SORCS1: variants seen among roughly 807,000 people sequenced by gnomAD.
SORCS1 encodes the protein VPS10 domain-containing receptor SorCS1.
In SORCS1, 60 loss-of-function variants were observed where a neutral mutation model predicts 146.1. That is an observed-to-expected ratio of 0.41 (90% confidence interval 0.33 to 0.51). The LOEUF is 0.51. Among genes scored for constraint, SORCS1 ranks in the 20% least tolerant of loss-of-function variants. The pLI is 0.21. For missense variants in SORCS1, 1,352 were observed against 1,487.6 expected (o/e 0.91, Z 1.50); for synonymous variants, 637 against 584.0 (o/e 1.09, Z -1.31).
chr10:106,577,643 C>T (rs891945723), intron 25 of SORCS1, 88 bp from the exon 26 acceptor site: 7 of 1,566,842 alleles, frequency 4.5e-6, no homozygotes, highest in Non-Finnish European at 5.2e-6. Flanking sequence ...CGATATCTTC[C>T]TGGAGAAGGA....
At chr10:106,790,986 C>T (rs1181994611) in intron 3 of SORCS1, among the ~76,000 whole-genome samples, 1 of 152,198 alleles carries the variant, frequency 6.6e-6, no homozygotes, top group Non-Finnish European at 1.5e-5. Context: ...TTAAGCATCA[C>T]TATGCAGAGA....
At chr10:106,936,076 C>A (rs928577186) in intron 2 of SORCS1, among the ~76,000 whole-genome samples, 1 of 152,136 alleles carries the variant, frequency 6.6e-6, no homozygotes, top group African/African-American at 2.4e-5. Context: ...GTGATCTTTG[C>A]AGTATGGTGC....
intron 1 of SORCS1, among the ~76,000 whole-genome samples, chr10:106,983,563 G>A (rs1365968166): frequency 6.6e-6 from 1 of 152,090 alleles, no homozygotes; most frequent in African/African-American, 2.4e-5. Context: ...TAAGTAAGAA[G>A]TGCTTCCTAT....
rs751090186 is a variant in SORCS1 at position 106,577,475 on chromosome 10, G to C, written c.3452C>G (p.Ala1151Gly). 8.1e-6 allele frequency: 13 copies of C among 1,614,004 alleles called. No individual in the cohort carries two copies. Among genetic ancestry groups the C allele is most frequent in the Non-Finnish European group, 1.1e-5 (13 of 1,179,940 alleles). ...CCGCTTTGGCGTTGAAGGCGGAGTG[G>C]CGTGTCTTGCTCTTTGCAATCGGAG... Reference protein sequence around the residue: ...SSLRLQRARHATPPSTPKRGS... With the variant: ...SSLRLQRARHGTPPSTPKRGS... Residue 1151 changes from alanine to glycine, a missense_variant, in exon 26 of 26, where the codon GCC becomes GGC. This residue lies in a region of SORCS1 where 214 missense variants were observed against 204.8 expected (regional missense o/e 1.05). Transcript: ENST00000263054.
intron 14 of SORCS1, among the ~76,000 whole-genome samples, chr10:106,673,419 C>T (rs1426644261): frequency 3.9e-5 from 6 of 152,076 alleles, no homozygotes; most frequent in South Asian, 4.1e-4. Flanking sequence ...TGTGAGCCAC[C>T]GCACTTGGCC....
intron 1 of SORCS1, among the ~76,000 whole-genome samples, chr10:107,056,688 A>C (rs990689526): frequency 1.3e-5 from 2 of 152,240 alleles, no homozygotes; most frequent in African/African-American, 4.8e-5. Context: ...CAAGAGGACA[A>C]GAAATGGGGA....
chr10:106,802,881 C>T (rs1031102197), intron 3 of SORCS1, among the ~76,000 whole-genome samples: 6 of 152,320 alleles, frequency 3.9e-5, no homozygotes, highest in South Asian at 2.1e-4. Flanking sequence ...ATGATCCTCC[C>T]GCCTTGGCCT....
At chr10:106,700,743 T>C (rs1854080214) in intron 8 of SORCS1, among the ~76,000 whole-genome samples, 1 of 152,188 alleles carries the variant, frequency 6.6e-6, no homozygotes, top group Admixed American at 6.5e-5. Flanking sequence ...CTCTTTACCG[T>C]TTATCACAGT....
intron 20 of SORCS1, chr10:106,620,180 A>C: frequency 2.6e-6 from 1 of 391,626 alleles, no homozygotes; most frequent in Non-Finnish European, 4.5e-6. Flanking sequence ...CTACAAAGAC[A>C]AGTACAGCTG....
At chr10:106,730,834 C>T (rs911586652) in intron 5 of SORCS1, among the ~76,000 whole-genome samples, 5 of 152,124 alleles carry the variant, frequency 3.3e-5, no homozygotes, top group Non-Finnish European at 5.9e-5. Context: ...GATTTTTATA[C>T]AATGAGATTA....
intron 1 of SORCS1, among the ~76,000 whole-genome samples, chr10:107,113,561 G>A (rs796480800): frequency 9.9e-5 from 15 of 151,830 alleles, no homozygotes; most frequent in African/African-American, 1.4e-4. Context: ...AAGGTGGTGC[G>A]TGCCTGTAGT....
intron 19 of SORCS1, among the ~76,000 whole-genome samples, chr10:106,626,432 G>A (rs1173736515): frequency 6.6e-6 from 1 of 152,160 alleles, no homozygotes; most frequent in Non-Finnish European, 1.5e-5. Flanking sequence ...GACCTAGTCA[G>A]AATGCCCGAC....
intron 1 of SORCS1, among the ~76,000 whole-genome samples, chr10:107,061,516 G>A (rs112201637): frequency 2.0e-5 from 3 of 152,252 alleles, no homozygotes; most frequent in African/African-American, 7.2e-5. Flanking sequence ...TTATACTACA[G>A]TACAAGAGAA....
intron 1 of SORCS1, among the ~76,000 whole-genome samples, chr10:107,000,286 T>C (rs1052353024): frequency 5.9e-5 from 9 of 152,150 alleles, no homozygotes; most frequent in South Asian, 2.1e-4. Flanking sequence ...CCGGCTGAAA[T>C]GTTGGGAAGA....
intron 1 of SORCS1, among the ~76,000 whole-genome samples, chr10:107,114,484 C>T (rs1487471167): frequency 1.3e-5 from 2 of 152,128 alleles, no homozygotes; most frequent in Non-Finnish European, 2.9e-5. Context: ...TGATGCACTA[C>T]TTTAAAAGAA....
At chr10:106,667,638 C>T in intron 17 of SORCS1, 51 bp downstream of exon 17, 1 of 1,262,312 alleles carries the variant, frequency 7.9e-7, no homozygotes, top group Non-Finnish European at 1.2e-6. Flanking sequence ...ATAACACGTG[C>T]TGAAAGGCAG....
At chr10:106,805,316 C>T (rs1243510046) in intron 3 of SORCS1, among the ~76,000 whole-genome samples, 1 of 152,136 alleles carries the variant, frequency 6.6e-6, no homozygotes, top group Admixed American at 6.5e-5. Context: ...TTAACTTACT[C>T]CTTGAAGAGG....
chr10:107,085,388 C>T (rs1963682083), intron 1 of SORCS1, among the ~76,000 whole-genome samples: 1 of 152,146 alleles, frequency 6.6e-6, no homozygotes, highest in Non-Finnish European at 1.5e-5. Flanking sequence ...ATCATTAAGA[C>T]TGAAAATGGT....
intron 2 of SORCS1, among the ~76,000 whole-genome samples, chr10:106,838,425 T>C (rs1252751662): frequency 6.6e-6 from 1 of 152,164 alleles, no homozygotes; most frequent in Non-Finnish European, 1.5e-5. Context: ...AAAGAACCTA[T>C]AACGAAGGAT....
Sources: allele counts gnomAD v4.1 joint callset (sites outside exome capture counted in the v4.1 genomes callset), GRCh38; gene constraint gnomAD v4.1.1; regional missense constraint gnomAD v4.1.1; transcripts MANE v1.5; gene names NCBI Gene and HGNC (gene_info 2026-07-23, HGNC 2026-07-21).